TCF4: variants seen among roughly 807,000 people sequenced by gnomAD.
The protein encoded by TCF4 is transcription factor 4.
A neutral mutation model predicts 82.1 loss-of-function variants in TCF4; 3 were observed. The observed-to-expected ratio is 0.04, with a 90% CI of 0.02 to 0.09. The LOEUF is 0.09. TCF4 is among the 10% of genes least tolerant of loss of function. The pLI is 1.00. For synonymous variants in TCF4, 276 were observed against 309.6 expected (o/e 0.89, Z 1.14); for missense variants, 518 against 852.7 (o/e 0.61, Z 4.89).
intron 6 of TCF4, among the ~76,000 whole-genome samples, chr18:55,380,155 T>TA (rs1352509320): frequency 6.6e-6 from 1 of 152,132 alleles, no homozygotes; most frequent in Non-Finnish European, 1.5e-5. Flanking sequence ...GTGCTTGGAT[T>TA]ACAGGTGTGA....
intron 6 of TCF4, among the ~76,000 whole-genome samples, chr18:55,357,525 A>T (rs2083867310): frequency 2.0e-5 from 3 of 152,206 alleles, no homozygotes; most frequent in Non-Finnish European, 4.4e-5. Flanking sequence ...TGACCTGTTA[A>T]CATACTAGGG....
At chr18:55,585,639 T>G in intron 2 of TCF4, 1 of 597,646 alleles carries the variant, frequency 1.7e-6, no homozygotes, top group Non-Finnish European at 2.4e-6. Context: ...TTATCAAGAT[T>G]CAGGTTGGAG....
chr18:55,349,098 A>AT (rs2081805359), intron 8 of TCF4, among the ~76,000 whole-genome samples: 1 of 152,128 alleles, frequency 6.6e-6, no homozygotes, highest in Admixed American at 6.5e-5. Flanking sequence ...ACTGAGTACA[A>AT]TTTTAAGTGA....
chr18:55,401,363 A>G, intron 6 of TCF4: 5 of 1,115,704 alleles, frequency 4.5e-6, no homozygotes, highest in South Asian at 2.3e-5. Context: ...AAGACTCACA[A>G]CCATGAAGCA....
At chr18:55,301,771 GC>G (rs1383752444) in intron 8 of TCF4, among the ~76,000 whole-genome samples, 1 of 98,410 alleles carries the variant, frequency 1.0e-5, no homozygotes, top group African/African-American at 4.1e-5. Context: ...AATCTAGTGA[GC>G]TAACACCAAA....
rs975205860 is a variant in TCF4 at position 55,228,069 on chromosome 18, A to G, written c.*5-39T>C. The G allele has an allele frequency of 1.1e-5, 11 of 979,780 alleles. No individual in the cohort carries two copies. The South Asian group carries it at 1.6e-4, about 14-fold the overall frequency. 60.7% of individuals were successfully genotyped at this position (979,780 alleles called of 1,614,324 possible). A position where few individuals can be genotyped will look rare whatever the true frequency, so the allele number is the denominator to read the frequency against. On this transcript the variant is annotated intron_variant, in intron 19 of 19. Transcript: ENST00000354452. The stretch of plus-strand genomic sequence containing the variant: ...AAAGAGAGAAAAAATTCATTAATAT[A>G]TTTGTAACAGAAAAAGTATGCTTTT...
Position 55,427,432 on chromosome 18 carries a change from G to A in TCF4, c.305-23914C>T, listed in dbSNP as rs571597769. The stretch of plus-strand genomic sequence containing the variant: ...AATAATAAGAATAATGATTTTCCCC[G>A]TGCCAAACACTTTGCAGTGTAGTGA... On this transcript the variant is annotated intron_variant, in intron 5 of 19. Coordinates refer to ENST00000354452, the MANE Select transcript of TCF4 (RefSeq NM_001083962.2). Among the ~76,000 whole-genome samples the A allele has an allele frequency of 8.5e-5, 13 of 152,260 alleles. No homozygotes were observed. The East Asian group carries it at 9.7e-4, about 11-fold the overall frequency.
chr18:55,456,895 G>GTTT (rs2095767680), intron 5 of TCF4, among the ~76,000 whole-genome samples: 1 of 152,154 alleles, frequency 6.6e-6, no homozygotes, highest in African/African-American at 2.4e-5. Context: ...AAACTGCAAT[G>GTTT]AAGAAGTCTC....
chr18:55,290,912 T>G (rs555922510), intron 8 of TCF4, among the ~76,000 whole-genome samples: 1 of 152,226 alleles, frequency 6.6e-6, no homozygotes, highest in Non-Finnish European at 1.5e-5. Flanking sequence ...TCTAGATATA[T>G]TCTTTGATCT....
At chr18:55,444,149 C>T (rs546388383) in intron 5 of TCF4, among the ~76,000 whole-genome samples, 253 of 152,230 alleles carry the variant, frequency 1.7e-3, no homozygotes, top group African/African-American at 5.6e-3. Flanking sequence ...AGAAATCAGA[C>T]GAGGATACGT....
chr18:55,509,226 A>AT (rs2096797385), intron 3 of TCF4, among the ~76,000 whole-genome samples: 1 of 152,074 alleles, frequency 6.6e-6, no homozygotes, highest in Non-Finnish European at 1.5e-5. Context: ...TTTTTAAACC[A>AT]TTATATAAAA....
At chr18:55,354,264 A>G (rs2082953901) in intron 6 of TCF4, among the ~76,000 whole-genome samples, 2 of 152,198 alleles carry the variant, frequency 1.3e-5, no homozygotes, top group Non-Finnish European at 2.9e-5. Context: ...GCAAATGGCC[A>G]TTCCTAACTT....
At chr18:55,463,962 G>GTGTA (rs952399825) in intron 4 of TCF4, 114 bp downstream of exon 4, 18 of 808,120 alleles carry the variant, frequency 2.2e-5, no homozygotes, top group Non-Finnish European at 3.9e-5. Context: ...GTGTGTGTGT[G>GTGTA]TGTGTGTGTG....
intron 2 of TCF4, among the ~76,000 whole-genome samples, chr18:55,620,461 T>A (rs896520733): frequency 6.6e-6 from 1 of 152,180 alleles, no homozygotes; most frequent in African/African-American, 2.4e-5. Context: ...TGAGTAATGT[T>A]CCTTCTAATC....
At chr18:55,230,406 TA>T (rs2047595291) in intron 17 of TCF4, 1 of 152,148 alleles carries the variant, frequency 6.6e-6, no homozygotes, top group Non-Finnish European at 1.5e-5. Context: ...GGCTGTCATG[TA>T]AAAAAGAGAA....
chr18:55,471,107 G>C (rs2096168247), intron 3 of TCF4, among the ~76,000 whole-genome samples: 1 of 152,204 alleles, frequency 6.6e-6, no homozygotes, highest in Non-Finnish European at 1.5e-5. Flanking sequence ...CATCAGCAAA[G>C]AGCGTGTTAA....
intron 8 of TCF4, among the ~76,000 whole-genome samples, chr18:55,334,143 G>T (rs147200276): frequency 3.7e-4 from 57 of 152,182 alleles, no homozygotes; most frequent in African/African-American, 1.3e-3. Flanking sequence ...AATGGAATGT[G>T]GGGACACAGA....
chr18:55,523,274 A>G (rs1370545229), intron 3 of TCF4, among the ~76,000 whole-genome samples: 2 of 152,078 alleles, frequency 1.3e-5, no homozygotes, highest in African/African-American at 4.8e-5. Context: ...AGTCAATTTA[A>G]GGAAAATGAC....
intron 6 of TCF4, among the ~76,000 whole-genome samples, chr18:55,398,896 G>A (rs1316202198): frequency 6.6e-6 from 1 of 152,172 alleles, no homozygotes; most frequent in Non-Finnish European, 1.5e-5. Flanking sequence ...TAAAAAGCAC[G>A]ATGAAGACAG....
Sources: allele counts gnomAD v4.1 joint callset (sites outside exome capture counted in the v4.1 genomes callset), GRCh38; gene constraint gnomAD v4.1.1; transcripts MANE v1.5; gene names NCBI Gene and HGNC (gene_info 2026-07-23, HGNC 2026-07-21).